RAD51B: variants seen among roughly 807,000 people sequenced by gnomAD.
RAD51B encodes the protein DNA repair protein RAD51 homolog 2.
In RAD51B, 38 loss-of-function variants were observed where a neutral mutation model predicts 42.2. The observed-to-expected ratio is 0.90, with a 90% confidence interval of 0.70 to 1.18. RAD51B has a LOEUF of 1.18. Among genes scored for constraint, RAD51B ranks in the 50% most tolerant of loss-of-function variants. RAD51B has a pLI of 0.00. For missense variants in RAD51B, 373 were observed against 400.7 expected (o/e 0.93, Z 0.59); for synonymous variants, 154 against 145.2 (o/e 1.06, Z -0.43).
At chr14:67,940,484 C>T (rs1182631106) in intron 7 of RAD51B, among the ~76,000 whole-genome samples, 1 of 152,076 alleles carries the variant, frequency 6.6e-6, no homozygotes, top group Non-Finnish European at 1.5e-5. Flanking sequence ...TCCACTTTAT[C>T]CATCTATTTT....
At chr14:68,325,526 C>T (rs1201806386) in intron 8 of RAD51B, among the ~76,000 whole-genome samples, 4 of 151,770 alleles carry the variant, frequency 2.6e-5, no homozygotes, top group Admixed American at 2.6e-4. Context: ...ATCTTTCGTC[C>T]TTGACTTATC....
intron 7 of RAD51B, among the ~76,000 whole-genome samples, chr14:67,904,719 T>A (rs2043726421): frequency 6.6e-6 from 1 of 151,956 alleles, no homozygotes; most frequent in African/African-American, 2.4e-5. Flanking sequence ...TGTCTTCTTT[T>A]GAGAAATGTC....
Position 68,665,061 on chromosome 14 carries a change from C to T in RAD51B, c.*11+14205C>T, listed in dbSNP as rs1463612156. Among the ~76,000 whole-genome samples, 12 of 152,358 alleles carry T rather than the reference C, an allele frequency of 7.9e-5. No individual in the cohort carries two copies. The East Asian group carries it at 1.5e-3, about 20-fold the overall frequency. On this transcript the variant is annotated intron_variant, in intron 11 of 11. Transcript: ENST00000488612. ...GCATCTTCCTGCCCAGATATATCTG[C>T]CCTTTCACATACTCCCATGTGACTC...
chr14:68,305,351 C>T (rs1291572987), intron 8 of RAD51B, among the ~76,000 whole-genome samples: 4 of 152,210 alleles, frequency 2.6e-5, no homozygotes, highest in South Asian at 2.1e-4. Context: ...CTTGGCCTCT[C>T]CCCTCTCAAA....
chr14:68,441,637 A>G (rs2085294761), intron 9 of RAD51B, among the ~76,000 whole-genome samples: 1 of 151,972 alleles, frequency 6.6e-6, no homozygotes, highest in African/African-American at 2.4e-5. Context: ...ACCTGGAAAA[A>G]TTTTTCCATT....
intron 7 of RAD51B, among the ~76,000 whole-genome samples, chr14:67,972,506 T>G (rs1469351658): frequency 1.3e-5 from 2 of 152,092 alleles, no homozygotes; most frequent in Non-Finnish European, 2.9e-5. Flanking sequence ...AAGTAAAAAA[T>G]GCAGAGGCAA....
chr14:67,947,806 T>C (rs1181604476), intron 7 of RAD51B, among the ~76,000 whole-genome samples: 2 of 152,228 alleles, frequency 1.3e-5, no homozygotes, highest in Admixed American at 6.5e-5. Context: ...AGTTGCTTTG[T>C]GTTCTGATGT....
chr14:68,678,211 C>T (rs775665485), intron 11 of RAD51B, among the ~76,000 whole-genome samples: 2 of 152,312 alleles, frequency 1.3e-5, no homozygotes, highest in East Asian at 1.9e-4. Flanking sequence ...CAGTCCATGT[C>T]GGCTGGTCCA....
intron 8 of RAD51B, among the ~76,000 whole-genome samples, chr14:68,400,215 C>T (rs1334195121): frequency 2.0e-5 from 3 of 152,258 alleles, no homozygotes; most frequent in Admixed American, 6.5e-5. Context: ...AAGTGGGTGG[C>T]CACCTGGCTT....
intron 8 of RAD51B, among the ~76,000 whole-genome samples, chr14:68,298,526 A>G (rs1404722792): frequency 6.6e-6 from 1 of 152,202 alleles, no homozygotes. Context: ...GGCTAGCTTT[A>G]AAAGTAGTTT....
intron 7 of RAD51B, among the ~76,000 whole-genome samples, chr14:68,175,363 C>A (rs1185196523): frequency 6.6e-6 from 1 of 152,162 alleles, no homozygotes. Context: ...TTCATACTGA[C>A]CATTTCCATT....
At position 68,182,576 on chromosome 14, in the gene RAD51B, C is replaced by CGT. The variant is rs141234201; in HGVS notation, c.757-109294_757-109293dup. Among the ~76,000 whole-genome samples the CGT allele has an allele frequency of 6.7e-3, 1,008 of 151,472 alleles. 11 individuals are homozygous for CGT. Among genetic ancestry groups the CGT allele is most frequent in the African/African-American group, 0.022 (931 of 41,408 alleles). On this transcript the variant is annotated intron_variant, in intron 7 of 10. Transcript: ENST00000471583. ...TTGTATGTGTTTGCACATGCATACA[C>CGT]GTGTGTGTGTGTGTGCATGCATCCA...
intron 7 of RAD51B, among the ~76,000 whole-genome samples, chr14:68,036,835 GT>G (rs1237102075): frequency 6.6e-6 from 1 of 151,652 alleles, no homozygotes; most frequent in Admixed American, 6.6e-5. Flanking sequence ...TTGCTATAAA[GT>G]TTTTTAAAAA....
chr14:68,203,241 G>A (rs535618508), intron 7 of RAD51B, among the ~76,000 whole-genome samples: 1 of 152,310 alleles, frequency 6.6e-6, no homozygotes, highest in African/African-American at 2.4e-5. Flanking sequence ...AGACTTGAAT[G>A]TTGAAATTAT....
chr14:68,670,791 A>G (rs1893140030), intron 11 of RAD51B, among the ~76,000 whole-genome samples: 1 of 152,246 alleles, frequency 6.6e-6, no homozygotes, highest in Non-Finnish European at 1.5e-5. Flanking sequence ...CCATTTGAAG[A>G]TAGAGACACA....
chr14:68,669,637 C>T (rs563098147), intron 11 of RAD51B, among the ~76,000 whole-genome samples: 12 of 151,884 alleles, frequency 7.9e-5, no homozygotes, highest in African/African-American at 2.9e-4. Context: ...TACACACACA[C>T]ACACACACAC....
At chr14:68,570,088 A>T (rs1889619143) in intron 10 of RAD51B, among the ~76,000 whole-genome samples, 1 of 152,056 alleles carries the variant, frequency 6.6e-6, no homozygotes, top group Non-Finnish European at 1.5e-5. Flanking sequence ...TCCCCTGTTT[A>T]CCTAATGTGG....
downstream of RAD51B, among the ~76,000 whole-genome samples, chr14:68,482,285 A>C (rs968775339): frequency 6.6e-6 from 1 of 151,998 alleles, no homozygotes; most frequent in South Asian, 2.1e-4. Context: ...GTCCTGGTGA[A>C]GATTCAGAAA....
intron 9 of RAD51B, among the ~76,000 whole-genome samples, chr14:68,430,932 C>A (rs1181260107): frequency 1.3e-5 from 2 of 152,056 alleles, no homozygotes; most frequent in Non-Finnish European, 2.9e-5. Context: ...CCCATCAATA[C>A]CTAATTTATT....
Sources: gnomAD v4.1 joint callset for allele counts (sites outside exome capture counted in the v4.1 genomes callset) on GRCh38, gnomAD v4.1.1 for gene constraint, MANE v1.5 for transcripts, NCBI Gene and HGNC (gene_info 2026-07-23, HGNC 2026-07-21) for gene names.